PTPRB: variants seen among roughly 807,000 people sequenced by gnomAD.
PTPRB encodes the protein receptor-type tyrosine-protein phosphatase beta.
A neutral mutation model predicts 238.1 loss-of-function variants in PTPRB; 97 were observed. The ratio of observed to expected loss-of-function variants is 0.41; its 90% CI spans 0.35 to 0.48. The LOEUF is 0.48. PTPRB is among the 20% of genes least tolerant of loss of function. The pLI is 0.30. For missense variants in PTPRB, 2,292 were observed against 2,681.9 expected, an observed-to-expected ratio of 0.85 and a Z score of 3.21; for synonymous variants, 970 against 995.4, an observed-to-expected ratio of 0.97 and a Z score of 0.48.
At position 70,534,602 on chromosome 12, in the gene PTPRB, A is replaced by G. The variant is rs543320070; in HGVS notation, c.6254T>C (p.Val2085Ala). The change falls in exon 31 of 34, where the codon GTG becomes GCG. Residue 2085 changes from valine (V) to alanine (A), a missense_variant. By Grantham distance (64) the Val-to-Ala change is moderately conservative (BLOSUM62 0). Around this residue, in one of 4 missense-constraint regions of PTPRB, gnomAD observed 397 missense variants for 502.0 expected, o/e 0.79. Transcript: ENST00000334414. ...HRLIRHFHYT[V>A]WPDHGVPETT... Reference sequence around the variant, plus strand: ...TTCTGGGACTCCATGGTCTGGCCACACCGTATAGTGAAAGTGGCGGATGAG... The same window carrying G: ...TTCTGGGACTCCATGGTCTGGCCACGCCGTATAGTGAAAGTGGCGGATGAG... 2.2e-5 allele frequency: 36 copies of G among 1,613,102 alleles called. 1 individual carries two copies. The South Asian group carries it at 4.0e-4, about 18-fold the overall frequency.
Position 70,540,975 on chromosome 12 carries a change from G to GAAAC in PTPRB, c.5495-22_5495-19dup. 1 of 1,581,470 alleles carries GAAAC rather than the reference G, an allele frequency of 6.3e-7. No individual in the cohort carries two copies. Among genetic ancestry groups the GAAAC allele is most frequent in the Non-Finnish European group, 8.6e-7 (1 of 1,162,392 alleles). ...CAAGGGCTCTACAATAATCCAGATA[G>GAAAC]AAACAACAAACGCAGGTGGGAAAAT... On this transcript the variant is annotated intron_variant, in intron 22 of 33. Transcript: ENST00000334414.
rs774441431 is a variant in PTPRB, at chr12:70,596,273, C to CCT, written c.1033_1034insAG (p.Ser345LysfsTer81). 7 of 1,611,644 alleles carry CCT rather than the reference C, an allele frequency of 4.3e-6. No homozygotes were observed. The Admixed American group carries it at 1.2e-4, about 27-fold the overall frequency. ...AGAAGGAGTCCACCAAACATGCAAG[C>CCT]TGGTTGAAGTCGTCTTCTCTTTACT... On this transcript the variant is annotated frameshift_variant, in exon 5 of 34. Coordinates refer to ENST00000334414, the MANE Select transcript of PTPRB (RefSeq NM_001109754.4). LOFTEE classifies it high-confidence loss of function.
At chr12:70,601,888 TC>T (rs1883532205) in intron 4 of PTPRB, among the ~76,000 whole-genome samples, 2 of 149,018 alleles carry the variant, frequency 1.3e-5, no homozygotes, top group African/African-American at 5.0e-5. Flanking sequence ...GCCTCCCAGG[TC>T]CTGCCATTCC....
In PTPRB at chr12:70,590,856, CA is replaced by C. The variant is rs562578980; in HGVS notation, c.1781-624del. ...TTTGCTTATTTTGTCCCCTCCACCC[CA>C]AAAGCTCTTCCCTCTTTTCCCTCTT... On this transcript the variant is annotated intron_variant, in intron 7 of 33. Transcript: ENST00000334414. 6.6e-5 allele frequency among the ~76,000 whole-genome samples: 10 copies of C among 151,824 alleles called. No individual in the cohort carries two copies. In the East Asian group the frequency reaches 9.7e-4, roughly 15 times the overall value.
At chr12:70,533,205 T>TAACA (rs1016042568) in intron 31 of PTPRB, among the ~76,000 whole-genome samples, 1 of 152,122 alleles carries the variant, frequency 6.6e-6, no homozygotes, top group Non-Finnish European at 1.5e-5. Context: ...ATTTATAAGA[T>TAACA]AACAGTTCTC....
chr12:70,519,333 C>G lies in PTPRB; in HGVS notation c.*2156G>C, dbSNP rs1426254696. The G allele has an allele frequency of 6.6e-6, 1 of 152,148 alleles. No individual in the cohort carries two copies. Among genetic ancestry groups the G allele is most frequent in the African/African-American group, 2.4e-5 (1 of 41,444 alleles). The allele number at this position is 152,148 out of a possible 1,614,324, so 9.4% of individuals were successfully genotyped here. A position where few individuals can be genotyped will look rare whatever the true frequency, so the allele number is the denominator to read the frequency against. On this transcript the variant is annotated 3_prime_UTR_variant, in exon 34 of 34. Coordinates refer to ENST00000334414, the MANE Select transcript of PTPRB (RefSeq NM_001109754.4). ...GCTATTAAAGTAGCATTAGCACTTT[C>G]CAGTGTGTGGCCTGTGGAAGGTGAC...
At position 70,560,692 on chromosome 12, in the gene PTPRB, C is replaced by T. The variant is rs751077865; in HGVS notation, c.4411G>A (p.Val1471Ile). The T allele has an allele frequency of 3.1e-6, 5 of 1,613,130 alleles. No homozygotes were observed. The highest frequency in any genetic ancestry group is 4.2e-6 in the Non-Finnish European group (5 of 1,179,680). Residue 1471 changes from valine (V) to isoleucine (I), a missense_variant, in exon 17 of 34, where the codon GTC (valine) becomes ATC (isoleucine). Physicochemically the swap from Val to Ile is conservative, Grantham distance 29 (BLOSUM62 3). Around this residue, in one of 4 missense-constraint regions of PTPRB, gnomAD observed 683 missense variants for 862.0 expected, o/e 0.79. Transcript: ENST00000334414. This position sits in a 1 kb window ranked among gnomAD's most constrained non-coding sequence, Gnocchi z 4.2. The part of the protein sequence containing the change: ...VTHSGDLSNK[V>I]TAESRTAPSP... ...TCACCTGTTCTGCTCTCCGCTGTGA[C>T]TTTATTGCTGAGATCTCCACTGTGA...
intron 18 of PTPRB, 186 bp downstream of exon 18, chr12:70,559,157 G>A (rs1380284100): frequency 1.5e-6 from 1 of 650,792 alleles, no homozygotes; most frequent in East Asian, 2.7e-5. Flanking sequence ...GGCAGAGAGA[G>A]ATTTATTGTC....
At chr12:70,602,388 A>T (rs113653018) in intron 4 of PTPRB, among the ~76,000 whole-genome samples, 11 of 152,172 alleles carry the variant, frequency 7.2e-5, no homozygotes, top group African/African-American at 2.4e-4. Flanking sequence ...AGGCTTTTTC[A>T]ATATTATCTA....
At chr12:70,529,561 G>A (rs892610060) in intron 32 of PTPRB, among the ~76,000 whole-genome samples, 5 of 152,106 alleles carry the variant, frequency 3.3e-5, no homozygotes, top group Non-Finnish European at 4.4e-5. Context: ...AAATATTGAG[G>A]ATATAGAAGA....
rs35608116 is a variant in PTPRB, at chr12:70,584,753, T to C, written c.2311+2254A>G. Among the ~76,000 whole-genome samples, 1,070 of 151,912 alleles carry C rather than the reference T, an allele frequency of 7.0e-3. 19 individuals are homozygous for C. The highest frequency in any genetic ancestry group is 0.065 in the East Asian group (334 of 5,156). The stretch of plus-strand genomic sequence containing the variant: ...CCCTAGAAACTCTCAATGAAGAAAT[T>C]TGAATAACGTTCTCCAGGATAAAGG... On this transcript the variant is annotated intron_variant, in intron 9 of 33. Transcript: ENST00000334414.
chr12:70,551,178 G>A (rs1012140622), intron 21 of PTPRB, among the ~76,000 whole-genome samples: 1 of 152,216 alleles, frequency 6.6e-6, no homozygotes, highest in African/African-American at 2.4e-5. Flanking sequence ...TTACAGGCGT[G>A]AGCCTCCACG....
chr12:70,571,524 G>A, intron 12 of PTPRB: 1 of 584,820 alleles, frequency 1.7e-6, no homozygotes, highest in South Asian at 2.3e-5. Flanking sequence ...TATAAAATGA[G>A]TTATGATCTC....
rs765391607 is a variant in PTPRB at position 70,520,266 on chromosome 12, AAGTAAGTAAGGC to A, written c.*1211_*1222del. The stretch of plus-strand genomic sequence containing the variant: ...GACTCATTGGAATTTGTTATAGTCA[AAGTAAGTAAGGC>A]ACAAATATTGAAGATAAACTTGGTA... On this transcript the variant is annotated 3_prime_UTR_variant, in exon 34 of 34. Coordinates refer to ENST00000334414, the MANE Select transcript of PTPRB (RefSeq NM_001109754.4). 103 of 441,982 alleles carry A rather than the reference AAGTAAGTAAGGC, an allele frequency of 2.3e-4. No homozygotes were observed. The highest frequency in any genetic ancestry group is 3.9e-4 in the Non-Finnish European group (88 of 224,852). The allele number at this position is 441,982 out of a possible 1,614,324, so 27.4% of individuals were successfully genotyped here. A position where few individuals can be genotyped will look rare whatever the true frequency, so the allele number is the denominator to read the frequency against.
At chr12:70,524,360 C>T (rs1322525104) in intron 33 of PTPRB, 111 bp downstream of exon 33, 16 of 1,207,590 alleles carry the variant, frequency 1.3e-5, no homozygotes, top group South Asian at 1.2e-4. Context: ...AGTGATCCTC[C>T]TGCCTCAGCC....
chr12:70,517,560 T>C lies in PTPRB; in HGVS notation c.*3929A>G, dbSNP rs545499747. 3 of 152,352 alleles carry C rather than the reference T, an allele frequency of 2.0e-5. No homozygotes were observed. In the South Asian group the frequency reaches 6.2e-4, roughly 32 times the overall value. The allele number at this position is 152,352 out of a possible 1,614,324, so 9.4% of individuals were successfully genotyped here. On this transcript the variant is annotated 3_prime_UTR_variant, in exon 34 of 34. Transcript: ENST00000334414. ...GAATGAGGTAGGCTTGAGGGCTTGC[T>C]CACTGCAACTTGGAGGAGGATCAGT...
chr12:70,583,307 A>G (rs1881571592), intron 9 of PTPRB, among the ~76,000 whole-genome samples: 1 of 152,108 alleles, frequency 6.6e-6, no homozygotes, highest in African/African-American at 2.4e-5. Context: ...AATAAACACA[A>G]CTATACATAT....
In PTPRB at chr12:70,622,559, C is replaced by T. The variant is rs558769707; in HGVS notation, c.539G>A (p.Gly180Asp). The change falls in exon 3 of 34, where the codon GGC becomes GAC. Residue 180 changes from glycine (G) to aspartate (D), a missense_variant. Transcript: ENST00000334414. ...GGTATTCCTAATAAGGAATACCAGG[C>T]CATCTGGAACTGCATTAAAGGTAGT... is the stretch of plus-strand genomic sequence containing the variant. ...ILTTFNAVPD[G>D]LVFLIRNTTE... 3 of 1,603,544 alleles carry T rather than the reference C, an allele frequency of 1.9e-6. No individual in the cohort carries two copies. The highest frequency in any genetic ancestry group is 3.5e-5 in the Admixed American group (2 of 57,970).
chr12:70,612,416 G>A (rs987212565), intron 3 of PTPRB, among the ~76,000 whole-genome samples: 2 of 152,188 alleles, frequency 1.3e-5, no homozygotes, highest in Non-Finnish European at 2.9e-5. Context: ...ACTGGACAAA[G>A]TATAAATAAA....
Sources: gnomAD v4.1 joint callset for allele counts (sites outside exome capture counted in the v4.1 genomes callset) on GRCh38, gnomAD v4.1.1 for gene constraint, gnomAD v4.1.1 regional missense constraint, Gnocchi (gnomAD v3.1) non-coding constraint, MANE v1.5 for transcripts, NCBI Gene and HGNC (gene_info 2026-07-23, HGNC 2026-07-21) for gene names.